NR3C2: variants seen among roughly 807,000 people sequenced by gnomAD.
NR3C2 encodes mineralocorticoid receptor.
A neutral mutation model predicts 86.4 loss-of-function variants in NR3C2; 15 were observed. The observed-to-expected ratio is 0.17, with a 90% confidence interval of 0.12 to 0.27. The LOEUF is 0.27. NR3C2 is among the 10% of genes least tolerant of loss of function. The pLI, the probability that NR3C2 is intolerant of heterozygous loss-of-function variation, is 1.00. For missense variants in NR3C2, 960 were observed against 1,195.6 expected, an observed-to-expected ratio of 0.80 and a Z score of 2.91; for synonymous variants, 458 against 450.5, an observed-to-expected ratio of 1.02 and a Z score of -0.21.
chr4:148,389,568 G>A (rs753956969), intron 2 of NR3C2, among the ~76,000 whole-genome samples: 3 of 151,966 alleles, frequency 2.0e-5, no homozygotes, highest in Non-Finnish European at 4.4e-5. Context: ...CTTTTATGGA[G>A]TGAGATGGGG....
chr4:148,378,671 C>A (rs549365962), intron 2 of NR3C2, among the ~76,000 whole-genome samples: 83 of 152,288 alleles, frequency 5.5e-4, no homozygotes, highest in African/African-American at 1.9e-3. Context: ...TTATCTTCTG[C>A]TATGATGGTA....
At chr4:148,197,906 A>G (rs1159246714) in intron 3 of NR3C2, among the ~76,000 whole-genome samples, 1 of 152,150 alleles carries the variant, frequency 6.6e-6, no homozygotes, top group Non-Finnish European at 1.5e-5. Flanking sequence ...TCTGTCCAGT[A>G]GGACTCAGGG....
intron 2 of NR3C2, among the ~76,000 whole-genome samples, chr4:148,287,116 A>G (rs552132244): frequency 1.3e-5 from 2 of 152,246 alleles, no homozygotes; most frequent in East Asian, 1.9e-4. Context: ...GCTTTCTACC[A>G]TGTAACAGAA....
chr4:148,436,390 C>T lies in NR3C2; in HGVS notation c.471G>A (p.Val157=). ...NGHRPSTLSC[V]NTPLRSFMSD... is the part of the protein sequence containing the mutation. ...ACATAAATGATCTCAAGGGCGTGTT[C>T]ACACAACTTAGAGTGGAAGGACGAT... The change falls in exon 2 of 9, where the codon GTG becomes GTA. Residue 157 remains valine (V), a synonymous_variant. Transcript: ENST00000358102. 6.2e-7 allele frequency: 1 copy of T among 1,614,232 alleles called. No homozygotes were observed. Among genetic ancestry groups the T allele is most frequent in the Non-Finnish European group, 8.5e-7 (1 of 1,180,052 alleles).
chr4:148,298,226 G>A (rs756847903), intron 2 of NR3C2, among the ~76,000 whole-genome samples: 1 of 152,148 alleles, frequency 6.6e-6, no homozygotes, highest in Non-Finnish European at 1.5e-5. Context: ...GCAGCAATAA[G>A]AATGACTTTA....
Position 148,347,064 on chromosome 4 carries a change from T to C in NR3C2, c.1758-86947A>G, listed in dbSNP as rs574415144. Among the ~76,000 whole-genome samples the C allele has an allele frequency of 2.0e-5, 3 of 152,142 alleles. No individual in the cohort carries two copies. In the East Asian group the frequency reaches 5.8e-4, roughly 29 times the overall value. On this transcript the variant is annotated intron_variant, in intron 2 of 8. Transcript: ENST00000358102. ...AGCAACCAGGAAGTAGACCTAAGGG[T>C]CAAATTCTGCTGTGAAGCCACGTAA... is the stretch of plus-strand genomic sequence containing the variant.
chr4:148,092,967 T>C (rs1000803060), intron 8 of NR3C2, among the ~76,000 whole-genome samples: 2 of 152,216 alleles, frequency 1.3e-5, no homozygotes, highest in Non-Finnish European at 2.9e-5. Flanking sequence ...CCTTTCCTGG[T>C]AGATCCCAGG....
intron 2 of NR3C2, among the ~76,000 whole-genome samples, chr4:148,355,660 G>A (rs1176147610): frequency 1.3e-5 from 2 of 152,182 alleles, no homozygotes; most frequent in African/African-American, 2.4e-5. Flanking sequence ...GGGCCATCCC[G>A]TCAGTTGTTT....
chr4:148,349,871 G>A (rs72656843), intron 2 of NR3C2, among the ~76,000 whole-genome samples: 8 of 152,176 alleles, frequency 5.3e-5, no homozygotes, highest in South Asian at 2.1e-4. Flanking sequence ...ACAGTTTACC[G>A]CTCCCAAGGT....
chr4:148,317,734 G>C (rs1172890030), intron 2 of NR3C2, among the ~76,000 whole-genome samples: 1 of 151,346 alleles, frequency 6.6e-6, no homozygotes, highest in African/African-American at 2.4e-5. Flanking sequence ...AAATATTATG[G>C]TCAAAAATGA....
intron 2 of NR3C2, among the ~76,000 whole-genome samples, chr4:148,403,832 CAA>C (rs1225324436): frequency 6.6e-6 from 1 of 151,914 alleles, no homozygotes; most frequent in Non-Finnish European, 1.5e-5. Flanking sequence ...GAAGTAATAC[CAA>C]AAGTTTTCAA....
At chr4:148,082,281 C>A (rs1730599414) in intron 8 of NR3C2, among the ~76,000 whole-genome samples, 1 of 152,186 alleles carries the variant, frequency 6.6e-6, no homozygotes, top group Non-Finnish European at 1.5e-5. Context: ...GGCAATACGG[C>A]CAAATAGGAA....
chr4:148,192,239 C>T (rs1479782685), intron 4 of NR3C2, among the ~76,000 whole-genome samples: 1 of 152,164 alleles, frequency 6.6e-6, no homozygotes, highest in Non-Finnish European at 1.5e-5. Context: ...AGCCAAACTG[C>T]AGTGATTGTT....
intron 2 of NR3C2, among the ~76,000 whole-genome samples, chr4:148,394,806 G>C (rs909523912): frequency 6.6e-6 from 1 of 152,162 alleles, no homozygotes; most frequent in Non-Finnish European, 1.5e-5. Flanking sequence ...GAAATAATTG[G>C]TAACATTTTT....
intron 8 of NR3C2, among the ~76,000 whole-genome samples, chr4:148,098,623 A>G (rs1196525429): frequency 6.6e-6 from 1 of 152,214 alleles, no homozygotes; most frequent in African/African-American, 2.4e-5. Flanking sequence ...CACATCTGGG[A>G]ATGCCTGCAA....
Position 148,308,005 on chromosome 4 carries a change from G to A in NR3C2, c.1758-47888C>T, listed in dbSNP as rs192543027. On this transcript the variant is annotated intron_variant, in intron 2 of 8. Coordinates refer to ENST00000358102, the MANE Select transcript of NR3C2 (RefSeq NM_000901.5). ...GGACTGAGCAGAGATGGTGGAGAAG[G>A]CAACTCTAACTGTGGATTTCTAAGT... is the stretch of plus-strand genomic sequence containing the variant. Among the ~76,000 whole-genome samples the A allele has an allele frequency of 3.3e-3, 503 of 152,192 alleles. 2 individuals are homozygous for A. Among genetic ancestry groups the A allele is most frequent in the Admixed American group, 6.9e-3 (105 of 15,278 alleles).
intron 2 of NR3C2, among the ~76,000 whole-genome samples, chr4:148,282,812 G>A (rs1306801486): frequency 6.6e-6 from 1 of 152,100 alleles, no homozygotes; most frequent in Non-Finnish European, 1.5e-5. Flanking sequence ...TAAAAAGGCA[G>A]AACACCAAGG....
intron 8 of NR3C2, among the ~76,000 whole-genome samples, chr4:148,094,376 A>G (rs962041381): frequency 2.6e-5 from 4 of 152,244 alleles, no homozygotes; most frequent in Non-Finnish European, 5.9e-5. Context: ...TTCTGGGCAT[A>G]TACCCAAAAG....
rs375965456 is a variant in NR3C2, at chr4:148,156,143, T to G, written c.2015-1242A>C. Among the ~76,000 whole-genome samples, 15 of 152,198 alleles carry G rather than the reference T, an allele frequency of 9.9e-5. No individual in the cohort carries two copies. The South Asian group carries it at 1.9e-3, about 19-fold the overall frequency. On this transcript the variant is annotated intron_variant, in intron 4 of 8. Transcript: ENST00000358102. Reference sequence around the variant, plus strand: ...TGATTAAAGACTTAAACGTTAGACCTAAAACCATAAAAACCCTAGAAGAAA... The same window carrying G: ...TGATTAAAGACTTAAACGTTAGACCGAAAACCATAAAAACCCTAGAAGAAA...
Sources: gnomAD v4.1 joint callset for allele counts (sites outside exome capture counted in the v4.1 genomes callset) on GRCh38, gnomAD v4.1.1 for gene constraint, MANE v1.5 for transcripts, NCBI Gene and HGNC (gene_info 2026-07-23, HGNC 2026-07-21) for gene names.